The following FBXW2 variants were observed in gnomAD, a reference collection of about 807,000 sequenced individuals.
FBXW2 encodes F-box/WD repeat-containing protein 2.
A neutral mutation model predicts 46.0 loss-of-function variants in FBXW2; 12 were observed. That is an observed-to-expected ratio of 0.26 (90% CI 0.17 to 0.42). FBXW2 has a LOEUF of 0.42. FBXW2 is among the 10% of genes least tolerant of loss of function. The pLI, the probability that FBXW2 is intolerant of heterozygous loss-of-function variation, is 1.00. For missense variants in FBXW2, 360 were observed against 537.0 expected, an observed-to-expected ratio of 0.67 and a Z score of 3.26; for synonymous variants, 203 against 209.6, an observed-to-expected ratio of 0.97 and a Z score of 0.27.
At chr9:120,782,968 T>C (rs2044647927) in intron 3 of FBXW2, among the ~76,000 whole-genome samples, 1 of 152,194 alleles carries the variant, frequency 6.6e-6, no homozygotes, top group Non-Finnish European at 1.5e-5. Context: ...CATTTTAGTT[T>C]GGGAAGATGT....
At chr9:120,784,107 A>G (rs2044670510) in intron 3 of FBXW2, among the ~76,000 whole-genome samples, 1 of 152,218 alleles carries the variant, frequency 6.6e-6, no homozygotes, top group Non-Finnish European at 1.5e-5. Flanking sequence ...GTAATTTTAA[A>G]TATGCAAACC....
intron 4 of FBXW2, 65 bp from the exon 5 acceptor site, chr9:120,776,291 C>A: frequency 6.6e-7 from 1 of 1,521,114 alleles, no homozygotes; most frequent in South Asian, 1.2e-5. Flanking sequence ...TAATAGAGTT[C>A]AATAATGTTT....
chr9:120,784,417 G>C (rs1220798683), intron 3 of FBXW2, among the ~76,000 whole-genome samples: 1 of 151,964 alleles, frequency 6.6e-6, no homozygotes, highest in African/African-American at 2.4e-5. Context: ...TTCGAGACCA[G>C]CCTGGGCAAC....
chr9:120,770,743 T>C (rs1002950947), intron 7 of FBXW2, among the ~76,000 whole-genome samples: 1 of 152,240 alleles, frequency 6.6e-6, no homozygotes, highest in African/African-American at 2.4e-5. Context: ...GTTCTCTTAA[T>C]GACCACATGG....
rs59520792 is a variant in FBXW2, at chr9:120,772,060, G to GAAAAAAA, written c.907-550_907-544dup. Among the ~76,000 whole-genome samples the GAAAAAAA allele has an allele frequency of 3.6e-3, 187 of 51,294 alleles. 8 individuals carry two copies. Among genetic ancestry groups the GAAAAAAA allele is most frequent in the African/African-American group, 0.012 (175 of 14,304 alleles). The allele number at this position is 51,294 out of a possible 152,430, so 33.7% of individuals were successfully genotyped here. A position where few individuals can be genotyped will look rare whatever the true frequency, so the allele number is the denominator to read the frequency against. On this transcript the variant is annotated intron_variant, in intron 6 of 7. Coordinates refer to ENST00000608872, the MANE Select transcript of FBXW2 (RefSeq NM_012164.4). ...GGTGACAGAGTGAGACCCTGTCTCAGAAAAAAAAAAAAAAAAAAAAAAAGA... is the reference window on the plus strand; with the variant it reads ...GGTGACAGAGTGAGACCCTGTCTCAGAAAAAAAAAAAAAAAAAAAAAAAAAAAAAAGA...
intron 3 of FBXW2, among the ~76,000 whole-genome samples, chr9:120,785,522 CAG>C (rs1023043076): frequency 2.6e-5 from 4 of 152,218 alleles, no homozygotes; most frequent in African/African-American, 4.8e-5. Context: ...CCAAAACCAG[CAG>C]AGTGTCTAGC....
At position 120,759,375 on chromosome 9, in the gene FBXW2, A is replaced by C. The variant is rs2044162821; in HGVS notation, c.*5184T>G. The C allele has an allele frequency of 6.6e-6, 1 of 152,200 alleles. No individual in the cohort carries two copies. The highest frequency in any genetic ancestry group is 6.5e-5 in the Admixed American group (1 of 15,288). 9.4% of individuals were successfully genotyped at this position (152,200 alleles called of 1,614,324 possible). On this transcript the variant is annotated 3_prime_UTR_variant, in exon 8 of 8. Transcript: ENST00000608872. ...CTATGATGCAAGAAAATAACTTCTC[A>C]TCTTAGAGACATCTTGTTCCACAAT...
Position 120,763,651 on chromosome 9 carries a change from G to C in FBXW2, c.*908C>G, listed in dbSNP as rs1445145636. The C allele has an allele frequency of 6.6e-6, 1 of 152,008 alleles. No homozygotes were observed. Among genetic ancestry groups the C allele is most frequent in the Non-Finnish European group, 1.5e-5 (1 of 68,016 alleles). The allele number at this position is 152,008 out of a possible 1,614,324, so 9.4% of individuals were successfully genotyped here. ...CGACCTGAAAGAAACCATGAATCAG[G>C]GATCAGACAAAAATACATGATCAAC... is the stretch of plus-strand genomic sequence containing the variant. On this transcript the variant is annotated 3_prime_UTR_variant, in exon 8 of 8. Transcript: ENST00000608872.
chr9:120,765,127 CT>C (rs367988339), intron 7 of FBXW2, among the ~76,000 whole-genome samples: 4 of 149,926 alleles, frequency 2.7e-5, no homozygotes, highest in African/African-American at 9.8e-5. Flanking sequence ...CAGGGTCTCA[CT>C]GTGTTGCCCA....
rs1391175572 is a variant in FBXW2, at chr9:120,764,310, G to A, written c.*249C>T. ...AACCCAAAATGCATCCTCTAACACT[G>A]ACCAACATAACTAAGTACAAATGAA... On this transcript the variant is annotated 3_prime_UTR_variant, in exon 8 of 8. Transcript: ENST00000608872. 5 of 501,952 alleles carry A rather than the reference G, an allele frequency of 1.0e-5. No homozygotes were observed. The highest frequency in any genetic ancestry group is 1.8e-5 in the Non-Finnish European group (5 of 281,700). 31.1% of individuals were successfully genotyped at this position (501,952 alleles called of 1,614,324 possible).
intron 5 of FBXW2, 104 bp downstream of exon 5, chr9:120,775,989 T>C: frequency 7.2e-7 from 1 of 1,392,990 alleles, no homozygotes; most frequent in East Asian, 2.3e-5. Flanking sequence ...GTACAGCAAT[T>C]CCATCTTATG....
At chr9:120,791,253 T>G (rs889131507) in intron 2 of FBXW2, among the ~76,000 whole-genome samples, 2 of 152,202 alleles carry the variant, frequency 1.3e-5, no homozygotes, top group Non-Finnish European at 2.9e-5. Flanking sequence ...TGAGGAGCTT[T>G]TAAATCTCAG....
Position 120,764,091 on chromosome 9 carries a change from A to G in FBXW2, c.*468T>C, listed in dbSNP as rs187926834. The G allele has an allele frequency of 9.0e-5, 25 of 279,294 alleles. No individual in the cohort carries two copies. The highest frequency in any genetic ancestry group is 4.6e-4 in the African/African-American group (21 of 45,732). 17.3% of individuals were successfully genotyped at this position (279,294 alleles called of 1,614,324 possible). On this transcript the variant is annotated 3_prime_UTR_variant, in exon 8 of 8. Transcript: ENST00000608872. Reference sequence around the variant, plus strand: ...GGTGGAAGTTTTAACACTGGCTCTTATAAGAGCTAAACCCCGTGTGAGGAA... The same window carrying G: ...GGTGGAAGTTTTAACACTGGCTCTTGTAAGAGCTAAACCCCGTGTGAGGAA...
chr9:120,792,745 G>C lies in FBXW2; in HGVS notation c.-21+404C>G, dbSNP rs949032172. On this transcript the variant is annotated intron_variant, in intron 2 of 7. Transcript: ENST00000608872. Reference sequence around the variant, plus strand: ...GCATTACCTACAAGGGTTTTTATGAGGGTTAAACAAGACAGTGCAAGTAAA... The same window carrying C: ...GCATTACCTACAAGGGTTTTTATGACGGTTAAACAAGACAGTGCAAGTAAA... 12 of 560,064 alleles carry C rather than the reference G, an allele frequency of 2.1e-5. No homozygotes were observed. The African/African-American group carries it at 2.4e-4, about 11-fold the overall frequency. The allele number at this position is 560,064 out of a possible 1,614,324, so 34.7% of individuals were successfully genotyped here.
At chr9:120,776,023 G>C (rs141712722) in intron 5 of FBXW2, 70 bp downstream of exon 5, 10 of 1,573,864 alleles carry the variant, frequency 6.4e-6, no homozygotes, top group Non-Finnish European at 7.8e-6. Context: ...TTATAAGGCA[G>C]TGTCTACCAT....
At chr9:120,788,309 T>C in intron 2 of FBXW2, 31 bp from the exon 3 acceptor site, 1 of 1,581,164 alleles carries the variant, frequency 6.3e-7, no homozygotes, top group East Asian at 2.2e-5. Context: ...GTATTAGTTC[T>C]GCTCAAAAAG....
Position 120,763,700 on chromosome 9 carries a change from G to A in FBXW2, c.*859C>T, listed in dbSNP as rs1231589865. 2 of 152,188 alleles carry A rather than the reference G, an allele frequency of 1.3e-5. No homozygotes were observed. The highest frequency in any genetic ancestry group is 2.9e-5 in the Non-Finnish European group (2 of 68,024). 9.4% of individuals were successfully genotyped at this position (152,188 alleles called of 1,614,324 possible). On this transcript the variant is annotated 3_prime_UTR_variant, in exon 8 of 8. Transcript: ENST00000608872. ...ACTTTTACACATTTCAGTAGGTGAA[G>A]GACCAGAAAGAATCTTAGAAATCAC...
chr9:120,778,261 A>AT (rs2044541012), intron 4 of FBXW2, 90 bp downstream of exon 4: 2 of 1,151,836 alleles, frequency 1.7e-6, no homozygotes, highest in African/African-American at 3.2e-5. Context: ...AGCAGGTTAA[A>AT]TTAAAAAAAA....
chr9:120,787,682 T>G, intron 3 of FBXW2, 87 bp downstream of exon 3: 1 of 1,410,104 alleles, frequency 7.1e-7, no homozygotes, highest in Non-Finnish European at 9.6e-7. Flanking sequence ...AATCAACACT[T>G]GTCATTCTCA....
Sources: gnomAD v4.1 joint callset for allele counts (sites outside exome capture counted in the v4.1 genomes callset) on GRCh38, gnomAD v4.1.1 for gene constraint, MANE v1.5 for transcripts, NCBI Gene and HGNC (gene_info 2026-07-23, HGNC 2026-07-21) for gene names.